The following KL variants were observed in gnomAD, a reference collection of about 807,000 sequenced individuals.
KL encodes alpha-klotho.
In KL, 62 loss-of-function variants were observed where a neutral mutation model predicts 84.2. The observed-to-expected ratio is 0.74, with a 90% CI of 0.60 to 0.91. The LOEUF (loss-of-function observed/expected upper bound fraction) is 0.91, where lower values mean the gene tolerates loss of function less well. KL is among the 40% of genes least tolerant of loss of function. The probability of loss-of-function intolerance (pLI) is 0.00; values close to 1 mark genes in which losing one functional copy is unlikely to be tolerated. For synonymous variants in KL, 528 were observed against 528.0 expected (o/e 1.00, Z 0.00); for missense variants, 1,261 against 1,305.7 (o/e 0.97, Z 0.53).
intron 1 of KL, among the ~76,000 whole-genome samples, chr13:33,025,219 A>G (rs1870726420): frequency 1.3e-5 from 2 of 152,210 alleles, no homozygotes; most frequent in African/African-American, 4.8e-5. Flanking sequence ...TTGGGGAGGT[A>G]GTACGGGAGC....
At position 33,021,654 on chromosome 13, in the gene KL, G is replaced by A. The variant is rs148391931; in HGVS notation, c.819+4395G>A. On this transcript the variant is annotated intron_variant, in intron 1 of 4. Coordinates refer to ENST00000380099, the MANE Select transcript of KL (RefSeq NM_004795.4). ...TCCCAGCACTTTGGGAGGCTGAGGC[G>A]GGTGGATCACCTGAGATCAGGAGTT... Among the ~76,000 whole-genome samples, 593 of 152,178 alleles carry A rather than the reference G, an allele frequency of 3.9e-3. 5 individuals carry two copies. The highest frequency in any genetic ancestry group is 0.013 in the African/African-American group (545 of 41,528).
At chr13:33,023,158 T>C (rs1870636586) in intron 1 of KL, among the ~76,000 whole-genome samples, 1 of 152,152 alleles carries the variant, frequency 6.6e-6, no homozygotes, top group African/African-American at 2.4e-5. Flanking sequence ...CTGCAAATAA[T>C]TGTCCCCTGA....
intron 1 of KL, among the ~76,000 whole-genome samples, chr13:33,030,660 A>G (rs927732749): frequency 6.6e-6 from 1 of 152,194 alleles, no homozygotes; most frequent in African/African-American, 2.4e-5. Flanking sequence ...AGCAGGTACA[A>G]CAGAAGGGCA....
chr13:33,041,897 A>G lies in KL; in HGVS notation c.820-11870A>G, dbSNP rs181459180. ...CCTGTCTAAACTGCCTTCCCATCCCAATCCCTGTTACCTTCTATCCTTTCT... is the reference window on the plus strand; with the variant it reads ...CCTGTCTAAACTGCCTTCCCATCCCGATCCCTGTTACCTTCTATCCTTTCT... On this transcript the variant is annotated intron_variant, in intron 1 of 4. Transcript: ENST00000380099. Among the ~76,000 whole-genome samples the G allele has an allele frequency of 3.4e-4, 52 of 152,108 alleles. No homozygotes were observed. The East Asian group carries it at 8.9e-3, about 26-fold the overall frequency.
intron 1 of KL, among the ~76,000 whole-genome samples, chr13:33,021,057 C>T (rs1870558356): frequency 1.3e-5 from 2 of 152,206 alleles, no homozygotes; most frequent in African/African-American, 4.8e-5. Context: ...TTTACCCCTT[C>T]GCTATCTGGG....
At chr13:33,030,634 C>T (rs527715937) in intron 1 of KL, among the ~76,000 whole-genome samples, 4 of 152,058 alleles carry the variant, frequency 2.6e-5, no homozygotes, top group Admixed American at 2.6e-4. Flanking sequence ...TAATCAGGAA[C>T]CCAGGCTTAA....
intron 3 of KL, among the ~76,000 whole-genome samples, chr13:33,057,636 A>G (rs1182726361): frequency 6.6e-6 from 1 of 151,980 alleles, no homozygotes; most frequent in Admixed American, 6.6e-5. Flanking sequence ...AGAACCCAAC[A>G]AACACAAAAT....
chr13:33,030,230 A>G (rs1259158720), intron 1 of KL, among the ~76,000 whole-genome samples: 1 of 152,152 alleles, frequency 6.6e-6, no homozygotes, highest in African/African-American at 2.4e-5. Flanking sequence ...TACTATTACA[A>G]TGGCAATTAA....
chr13:33,053,531 C>T lies in KL; in HGVS notation c.820-236C>T, dbSNP rs9536311. On this transcript the variant is annotated intron_variant, in intron 1 of 4. Transcript: ENST00000380099. ...TAACTACACACTCAACCCAAGGAATCTACATTTTTCCACTGACTGCTAAAG... is the reference window on the plus strand; with the variant it reads ...TAACTACACACTCAACCCAAGGAATTTACATTTTTCCACTGACTGCTAAAG... Among the ~76,000 whole-genome samples, 23,699 of 152,152 alleles carry T rather than the reference C, an allele frequency of 0.16. 1,939 individuals carry two copies. The highest frequency in any genetic ancestry group is 0.18 in the African/African-American group (7,587 of 41,494).
chr13:33,039,111 C>A (rs1470951305), intron 1 of KL, among the ~76,000 whole-genome samples: 1 of 152,052 alleles, frequency 6.6e-6, no homozygotes, highest in African/African-American at 2.4e-5. Flanking sequence ...TTAGGTAATA[C>A]TGTACGTGGT....
chr13:33,064,642 C>T lies in KL; in HGVS notation c.*456C>T. 1 of 240,080 alleles carries T rather than the reference C, an allele frequency of 4.2e-6. No homozygotes were observed. The highest frequency in any genetic ancestry group is 8.2e-6 in the Non-Finnish European group (1 of 122,540). The allele number at this position is 240,080 out of a possible 1,614,324, so 14.9% of individuals were successfully genotyped here. On this transcript the variant is annotated 3_prime_UTR_variant, in exon 5 of 5. Coordinates refer to ENST00000380099, the MANE Select transcript of KL (RefSeq NM_004795.4). ...TGCCATAATAATGCCTAGTGGCTTC[C>T]CCTCTGTCAAATCTAGTTTCCTATG...
intron 1 of KL, among the ~76,000 whole-genome samples, chr13:33,031,096 T>G (rs890499063): frequency 1.3e-5 from 2 of 152,190 alleles, no homozygotes; most frequent in East Asian, 3.8e-4. Flanking sequence ...CTTTTAACTT[T>G]AAAGAGCCGA....
intron 3 of KL, among the ~76,000 whole-genome samples, chr13:33,058,459 G>C (rs1872049436): frequency 1.3e-5 from 2 of 151,400 alleles, no homozygotes; most frequent in Admixed American, 1.3e-4. Flanking sequence ...TCCTGCCTCA[G>C]CCTCCTGAGT....
intron 3 of KL, among the ~76,000 whole-genome samples, chr13:33,060,300 A>T (rs1872126035): frequency 6.6e-6 from 1 of 152,018 alleles, no homozygotes; most frequent in Admixed American, 6.6e-5. Context: ...TTTCTTTTTA[A>T]ATTTGAAAGC....
At position 33,054,109 on chromosome 13, in the gene KL, C is replaced by A. The variant is rs774909579; in HGVS notation, c.1162C>A (p.Gln388Lys). Residue 388 changes from glutamine to lysine, a missense_variant, in exon 2 of 5, where the codon CAA becomes AAA. Gln to Lys is a moderately conservative substitution (Grantham distance 53). Transcript: ENST00000380099. The part of the protein sequence containing the change: ...QLLDPHMKFR[Q>K]LESPNLRQLL... ...TTTGGACCCTCACATGAAGTTCCGC[C>A]AATTGGAATCTCCCAACCTGAGGCA... 1 of 1,613,924 alleles carries A rather than the reference C, an allele frequency of 6.2e-7. No homozygotes were observed. Among genetic ancestry groups the A allele is most frequent in the Admixed American group, 1.7e-5 (1 of 60,020 alleles).
At chr13:33,027,265 G>C (rs1005071803) in intron 1 of KL, among the ~76,000 whole-genome samples, 1 of 152,110 alleles carries the variant, frequency 6.6e-6, no homozygotes, top group African/African-American at 2.4e-5. Context: ...CGTTAGTGCC[G>C]GGTCAGCTCC....
At chr13:33,063,397 C>T (rs1008486455) in intron 4 of KL, among the ~76,000 whole-genome samples, 2 of 152,020 alleles carry the variant, frequency 1.3e-5, no homozygotes, top group African/African-American at 4.8e-5. Context: ...TTTGGCTTTA[C>T]ATAAAATAAA....
At position 33,061,767 on chromosome 13, in the gene KL, C is replaced by T. The variant is rs145682430; in HGVS notation, c.2688C>T (p.Asn896=). ...LRVYYMQNYI[N]EALKAHILDG... is the part of the protein sequence containing the mutation. ...TGTATTATATGCAGAATTACATAAACGAAGCTCTCAAAGGTAAGGAGCCCT... is the reference window on the plus strand; with the variant it reads ...TGTATTATATGCAGAATTACATAAATGAAGCTCTCAAAGGTAAGGAGCCCT... Residue 896 remains asparagine (N), a synonymous_variant, in exon 4 of 5, where the codon AAC becomes AAT. Coordinates refer to ENST00000380099, the MANE Select transcript of KL (RefSeq NM_004795.4). 1,005 of 1,613,562 alleles carry T rather than the reference C, an allele frequency of 6.2e-4. 6 individuals are homozygous for T. The East Asian group carries it at 0.018, about 29-fold the overall frequency.
rs368695887 is a variant in KL, at chr13:33,061,741, G to T, written c.2662G>T (p.Val888Leu). The part of the protein sequence containing the change: ...GLHAEDDQLR[V>L]YYMQNYINEA... The stretch of plus-strand genomic sequence containing the variant: ...GCATGCTGAGGACGACCAGCTGAGG[G>T]TGTATTATATGCAGAATTACATAAA... Residue 888 changes from valine (V) to leucine (L), a missense_variant, in exon 4 of 5, where the codon GTG becomes TTG. Coordinates refer to ENST00000380099, the MANE Select transcript of KL (RefSeq NM_004795.4). 2 of 1,614,052 alleles carry T rather than the reference G, an allele frequency of 1.2e-6. No individual in the cohort carries two copies. The highest frequency in any genetic ancestry group is 2.7e-5 in the African/African-American group (2 of 75,022).
Sources: allele counts gnomAD v4.1 joint callset (sites outside exome capture counted in the v4.1 genomes callset), GRCh38; gene constraint gnomAD v4.1.1; transcripts MANE v1.5; gene names NCBI Gene and HGNC (gene_info 2026-07-23, HGNC 2026-07-21).